The following TMC7 variants were observed in gnomAD, a reference collection of about 807,000 sequenced individuals.
TMC7 encodes the protein transmembrane channel-like protein 7.
A neutral mutation model predicts 82.9 loss-of-function variants in TMC7; 54 were observed. The ratio of observed to expected loss-of-function variants is 0.65; its 90% CI spans 0.52 to 0.82. The LOEUF (loss-of-function observed/expected upper bound fraction) is 0.82. TMC7 is among the 40% of genes least tolerant of loss of function. The pLI, the probability that TMC7 is intolerant of heterozygous loss-of-function variation, is 0.00. For synonymous variants in TMC7, 350 were observed against 337.9 expected (o/e 1.04, Z -0.39); for missense variants, 820 against 901.2 (o/e 0.91, Z 1.15).
At chr16:19,052,932 CG>C (rs1179158565) in intron 13 of TMC7, among the ~76,000 whole-genome samples, 1 of 151,990 alleles carries the variant, frequency 6.6e-6, no homozygotes, top group African/African-American at 2.4e-5. Context: ...AGGCTGGTCT[CG>C]AACTCCTGAT....
chr16:19,011,765 A>G (rs915559673), intron 2 of TMC7, among the ~76,000 whole-genome samples: 40 of 152,156 alleles, frequency 2.6e-4, no homozygotes, highest in Non-Finnish European at 5.0e-4. Context: ...GATACACTGT[A>G]CCTTGTAGGT....
chr16:19,042,304 AGCTG>A lies in TMC7; in HGVS notation c.1337+1860_1337+1863del, dbSNP rs1234158533. Among the ~76,000 whole-genome samples, 30 of 151,952 alleles carry A rather than the reference AGCTG, an allele frequency of 2.0e-4. No individual in the cohort carries two copies. The East Asian group carries it at 3.7e-3, about 19-fold the overall frequency. ...ACCCTCCTGCCTCAGTCTCTCGAGT[AGCTG>A]GGACTACAGGTGCACACCACCATGC... On this transcript the variant is annotated intron_variant, in intron 9 of 15. Transcript: ENST00000304381.
At position 19,047,134 on chromosome 16, in the gene TMC7, A is replaced by T; in HGVS notation, c.1625A>T (p.Asp542Val). The T allele has an allele frequency of 6.2e-7, 1 of 1,614,052 alleles. No homozygotes were observed. The highest frequency in any genetic ancestry group is 8.5e-7 in the Non-Finnish European group (1 of 1,180,016). Reference protein sequence around the residue: ...CWGQQEFAIPDNVLGIVYGQT... With the variant: ...CWGQQEFAIPVNVLGIVYGQT... ...GGGCAGCAGGAGTTTGCCATTCCTG[A>T]TAACGTCCTGGGGATAGTTTACGGG... Residue 542 changes from aspartate to valine, a missense_variant, in exon 12 of 16, where the codon GAT (aspartate) becomes GTT (valine). By Grantham distance (152) the Asp-to-Val change is radical. Transcript: ENST00000304381.
At chr16:19,056,478 A>C in intron 13 of TMC7, 64 bp from the exon 14 acceptor site, 1 of 1,549,840 alleles carries the variant, frequency 6.5e-7, no homozygotes, top group East Asian at 2.3e-5. Context: ...CTGGGTGTAC[A>C]GGGGCGGGAC....
At chr16:19,023,006 CGA>C in intron 4 of TMC7, 105 bp from the exon 5 acceptor site, 2 of 602,368 alleles carry the variant, frequency 3.3e-6, no homozygotes, top group Non-Finnish European at 5.8e-6. Flanking sequence ...GATGACAGAG[CGA>C]GACTCCATCT....
chr16:19,000,192 A>T (rs1022105945), intron 1 of TMC7, among the ~76,000 whole-genome samples: 2 of 151,242 alleles, frequency 1.3e-5, no homozygotes, highest in African/African-American at 4.8e-5. Context: ...TCAGCCAGGC[A>T]TGGTGGCTCA....
intron 2 of TMC7, among the ~76,000 whole-genome samples, chr16:19,010,997 A>G (rs938296673): frequency 6.6e-6 from 1 of 152,132 alleles, no homozygotes; most frequent in African/African-American, 2.4e-5. Flanking sequence ...TCCAGATTCA[A>G]TCGGTGGGAA....
At chr16:19,057,444 G>A (rs1306855351) in intron 14 of TMC7, among the ~76,000 whole-genome samples, 3 of 152,246 alleles carry the variant, frequency 2.0e-5, no homozygotes, top group South Asian at 2.1e-4. Context: ...TGAAATCATC[G>A]CAATTACTCT....
At chr16:19,042,643 G>A (rs1961069925) in intron 9 of TMC7, among the ~76,000 whole-genome samples, 1 of 151,694 alleles carries the variant, frequency 6.6e-6, no homozygotes, top group Non-Finnish European at 1.5e-5. Flanking sequence ...GAGTAGTTGG[G>A]ACTACAGATG....
intron 5 of TMC7, among the ~76,000 whole-genome samples, chr16:19,027,359 G>A (rs1276068295): frequency 6.6e-6 from 1 of 152,050 alleles, no homozygotes; most frequent in Non-Finnish European, 1.5e-5. Flanking sequence ...GAGCCACTGT[G>A]CCCGGCCCAG....
intron 9 of TMC7, among the ~76,000 whole-genome samples, chr16:19,042,546 C>T (rs1236042108): frequency 6.8e-6 from 1 of 147,016 alleles, no homozygotes; most frequent in African/African-American, 2.5e-5. Flanking sequence ...CTCACTTTGT[C>T]GCCCAGGCTG....
intron 1 of TMC7, among the ~76,000 whole-genome samples, chr16:18,995,201 A>G (rs2039022336): frequency 6.6e-6 from 1 of 152,220 alleles, no homozygotes; most frequent in Non-Finnish European, 1.5e-5. Flanking sequence ...TAAGAGGTTT[A>G]GCAGCCTGGC....
chr16:19,040,006 C>G (rs1036856028), intron 8 of TMC7, among the ~76,000 whole-genome samples: 2 of 150,322 alleles, frequency 1.3e-5, no homozygotes, highest in African/African-American at 4.9e-5. Flanking sequence ...GTCCCAGCTA[C>G]TCGGGAGGCT....
chr16:19,046,832 CAAA>C (rs34279699), intron 11 of TMC7, among the ~76,000 whole-genome samples: 9 of 123,986 alleles, frequency 7.3e-5, no homozygotes, highest in Non-Finnish European at 1.0e-4. Context: ...GACCTTGTCT[CAAA>C]AAAAAAAAAA....
intron 8 of TMC7, among the ~76,000 whole-genome samples, chr16:19,038,286 C>T (rs1960850553): frequency 6.6e-6 from 1 of 152,128 alleles, no homozygotes; most frequent in South Asian, 2.1e-4. Context: ...GCCTCTGCCT[C>T]CCAGGTTCAA....
rs761506523 is a variant in TMC7, at chr16:19,059,550, C to T, written c.2106+56C>T. ...CTGGGGACATTTACCCAGGACACTGCAAGGAAAGTGCTGTTTTCCTGGGAG... is the reference window on the plus strand; with the variant it reads ...CTGGGGACATTTACCCAGGACACTGTAAGGAAAGTGCTGTTTTCCTGGGAG... On this transcript the variant is annotated intron_variant, in intron 15 of 15. Transcript: ENST00000304381. The T allele has an allele frequency of 1.9e-6, 3 of 1,614,032 alleles. No homozygotes were observed. In the South Asian group the frequency reaches 3.3e-5, roughly 18 times the overall value.
intron 2 of TMC7, among the ~76,000 whole-genome samples, chr16:19,010,044 TTCTTTTTC>T (rs2039311609): frequency 7.0e-6 from 1 of 142,988 alleles, no homozygotes; most frequent in Admixed American, 7.0e-5. Context: ...CCTCCTTTCT[TTCTTTTTC>T]TTTCTTTCTT....
intron 1 of TMC7, among the ~76,000 whole-genome samples, chr16:19,005,380 G>A (rs1015294591): frequency 3.9e-5 from 6 of 152,154 alleles, no homozygotes; most frequent in Non-Finnish European, 5.9e-5. Flanking sequence ...GAGCCACCAC[G>A]CCTGGCCCGC....
chr16:19,007,714 T>A (rs1450120431), intron 1 of TMC7, among the ~76,000 whole-genome samples: 1 of 151,300 alleles, frequency 6.6e-6, no homozygotes, highest in African/African-American at 2.4e-5. Flanking sequence ...AGACAATACC[T>A]GACCCCACCT....
Sources: gnomAD v4.1 joint callset for allele counts (sites outside exome capture counted in the v4.1 genomes callset) on GRCh38, gnomAD v4.1.1 for gene constraint, MANE v1.5 for transcripts, NCBI Gene and HGNC (gene_info 2026-07-23, HGNC 2026-07-21) for gene names.